AGO1: variants seen among roughly 807,000 people sequenced by gnomAD.
AGO1 encodes argonaute RISC component 1.
AGO1 carries 11 observed loss-of-function variants against 109.2 expected under a neutral mutation model. The ratio of observed to expected loss-of-function variants is 0.10; its 90% CI spans 0.06 to 0.17. The LOEUF is 0.17. Ranked by LOEUF, AGO1 falls within the 10% of genes least tolerant of loss-of-function variation. AGO1 has a pLI of 1.00. For missense variants in AGO1, 574 were observed against 1,140.3 expected (o/e 0.50, Z 7.15); for synonymous variants, 422 against 418.6 (o/e 1.01, Z -0.10).
intron 2 of AGO1, among the ~76,000 whole-genome samples, chr1:35,891,461 CT>C (rs199596553): frequency 0.051 from 7,697 of 152,230 alleles, 268 homozygotes; most frequent in South Asian, 0.083. Flanking sequence ...TCTCTTCTAC[CT>C]TTTTTGCTTA....
Position 35,925,755 on chromosome 1 carries a change from G to A in AGO1, c.*6148G>A, listed in dbSNP as rs1246608446. The A allele has an allele frequency of 6.6e-6, 1 of 152,070 alleles. No individual in the cohort carries two copies. Among genetic ancestry groups the A allele is most frequent in the Non-Finnish European group, 1.5e-5 (1 of 68,022 alleles). The allele number at this position is 152,070 out of a possible 1,614,324, so 9.4% of individuals were successfully genotyped here. ...ACTCACCCCAAGTTGGAGGTTCTAT[G>A]GTTTTGTACTTTAAGCTGGTGGTAT... is the stretch of plus-strand genomic sequence containing the variant. On this transcript the variant is annotated 3_prime_UTR_variant, in exon 19 of 19. Coordinates refer to ENST00000373204, the MANE Select transcript of AGO1 (RefSeq NM_012199.5).
rs547713014 is a variant in AGO1, at chr1:35,926,176, A to G, written c.*6569A>G. Reference sequence around the variant, plus strand: ...CAGGGGGAATAGGAGGAGGATGATTATGGCAAATTTTGCTATAAACTTTAG... The same window carrying G: ...CAGGGGGAATAGGAGGAGGATGATTGTGGCAAATTTTGCTATAAACTTTAG... On this transcript the variant is annotated 3_prime_UTR_variant, in exon 19 of 19. Transcript: ENST00000373204. 1 of 152,334 alleles carries G rather than the reference A, an allele frequency of 6.6e-6. No homozygotes were observed. Among genetic ancestry groups the G allele is most frequent in the African/African-American group, 2.4e-5 (1 of 41,572 alleles). 9.4% of individuals were successfully genotyped at this position (152,334 alleles called of 1,614,324 possible).
intron 8 of AGO1, among the ~76,000 whole-genome samples, chr1:35,897,728 CA>C (rs539302152): frequency 6.8e-6 from 1 of 147,822 alleles, no homozygotes; most frequent in African/African-American, 2.5e-5. Flanking sequence ...GACCCTGTCT[CA>C]AAAAAAAATA....
rs985679222 is a variant in AGO1 at position 35,870,581 on chromosome 1, C to T, written c.-201+678C>T. 9.8e-5 allele frequency among the ~76,000 whole-genome samples: 15 copies of T among 152,312 alleles called. No individual in the cohort carries two copies. In the South Asian group the frequency reaches 1.7e-3, roughly 17 times the overall value. On this transcript the variant is annotated intron_variant, in intron 1 of 18. Coordinates refer to the AGO1 transcript ENST00000373206. ...ACAGGCGTGAGCCACCGCGCCTGGC[C>T]ATATGTATGTTATAAAGGAGAGTAT...
chr1:35,918,870 A>T (rs909564765), intron 17 of AGO1, among the ~76,000 whole-genome samples, 185 bp from the exon 18 acceptor site: 11 of 152,180 alleles, frequency 7.2e-5, no homozygotes, highest in Non-Finnish European at 1.6e-4. Context: ...CTGCTGTCGT[A>T]ATAAGCCCTG....
At chr1:35,906,312 A>G (rs957097502) in intron 11 of AGO1, among the ~76,000 whole-genome samples, 7 of 152,178 alleles carry the variant, frequency 4.6e-5, no homozygotes, top group Admixed American at 3.3e-4. Flanking sequence ...GCATCTGCCT[A>G]TTTCTTTGGA....
In AGO1 at chr1:35,927,217, C is replaced by T. The variant is rs970880807; in HGVS notation, c.*7610C>T. 3 of 151,994 alleles carry T rather than the reference C, an allele frequency of 2.0e-5. No homozygotes were observed. The highest frequency in any genetic ancestry group is 6.6e-5 in the Admixed American group (1 of 15,266). 9.4% of individuals were successfully genotyped at this position (151,994 alleles called of 1,614,324 possible). ...TTGCATCTTACAGCATCTTTACATG[C>T]GAAATAGTTTATCAGTTATCTTCAA... On this transcript the variant is annotated 3_prime_UTR_variant, in exon 19 of 19. Coordinates refer to ENST00000373204, the MANE Select transcript of AGO1 (RefSeq NM_012199.5).
upstream of AGO1, among the ~76,000 whole-genome samples, chr1:35,881,947 G>C (rs1645041554): frequency 6.6e-6 from 1 of 152,230 alleles, no homozygotes. Flanking sequence ...AGCAAGATAT[G>C]ATAAGGGTCT....
At chr1:35,878,628 A>G (rs985381218), upstream of AGO1, among the ~76,000 whole-genome samples, 10 of 152,148 alleles carry the variant, frequency 6.6e-5, no homozygotes, top group Admixed American at 5.9e-4. Context: ...ACATTATTAC[A>G]TTATTTTCCG....
At chr1:35,904,239 G>T (rs1645477171) in intron 11 of AGO1, among the ~76,000 whole-genome samples, 2 of 151,194 alleles carry the variant, frequency 1.3e-5, no homozygotes, top group Admixed American at 1.3e-4. Flanking sequence ...CCAAGCAGCT[G>T]GGACCACAGG....
chr1:35,904,106 CTCT>C (rs1450245033), intron 11 of AGO1, among the ~76,000 whole-genome samples: 5 of 143,918 alleles, frequency 3.5e-5, no homozygotes, highest in Non-Finnish European at 7.5e-5. Context: ...CTTTCCTGAG[CTCT>C]TTTTTTTTTT....
rs374930276 is a variant in AGO1 at position 35,894,204 on chromosome 1, C to T, written c.784+33C>T. 61 of 1,568,740 alleles carry T rather than the reference C, an allele frequency of 3.9e-5. No individual in the cohort carries two copies. The African/African-American group carries it at 5.7e-4, about 15-fold the overall frequency. ...CCCAACAGGAGGGGAAGGGAAACAGCGCCACTTTAGCCCTAAGAGGAAATC... is the reference window on the plus strand; with the variant it reads ...CCCAACAGGAGGGGAAGGGAAACAGTGCCACTTTAGCCCTAAGAGGAAATC... On this transcript the variant is annotated intron_variant, in intron 6 of 18. Coordinates refer to ENST00000373204, the MANE Select transcript of AGO1 (RefSeq NM_012199.5).
At chr1:35,907,187 T>A in intron 12 of AGO1, 68 bp downstream of exon 12, 1 of 1,394,794 alleles carries the variant, frequency 7.2e-7, no homozygotes, top group Non-Finnish European at 9.6e-7. Flanking sequence ...TGGGGTCTCC[T>A]GGGAAGGACT....
At chr1:35,913,308 C>T (rs941569128) in intron 12 of AGO1, among the ~76,000 whole-genome samples, 2 of 152,164 alleles carry the variant, frequency 1.3e-5, no homozygotes, top group African/African-American at 2.4e-5. Context: ...CGTGAGCCAC[C>T]GCGCCTGGCG....
At chr1:35,884,041 G>A (rs1645077208) in intron 1 of AGO1, among the ~76,000 whole-genome samples, 1 of 152,220 alleles carries the variant, frequency 6.6e-6, no homozygotes, top group Non-Finnish European at 1.5e-5. Context: ...GGAAGGGGCT[G>A]CCCGACGTGG....
chr1:35,910,999 G>T (rs773914749), intron 12 of AGO1, among the ~76,000 whole-genome samples: 13 of 152,198 alleles, frequency 8.5e-5, no homozygotes, highest in Non-Finnish European at 1.5e-4. Flanking sequence ...CCAGGAGATG[G>T]AGGTTGCAGT....
chr1:35,892,564 G>A lies in AGO1; in HGVS notation c.217G>A (p.Val73Met). 1 of 1,614,242 alleles carries A rather than the reference G, an allele frequency of 6.2e-7. No individual in the cohort carries two copies. The highest frequency in any genetic ancestry group is 8.5e-7 in the Non-Finnish European group (1 of 1,180,034). ...CACTCCTATCCCCCACAGGGAAGTG[G>A]TGGAATACATGGTCCAGCATTTCAA... ...KCPRRVNREVVEYMVQHFKPQ... is the reference protein window; with the variant it reads ...KCPRRVNREVMEYMVQHFKPQ... Residue 73 changes from valine (V) to methionine (M), a missense_variant, in exon 3 of 19, where the codon GTG (valine) becomes ATG (methionine). Around this residue, in one of 8 missense-constraint regions of AGO1, gnomAD observed 89 missense variants for 109.6 expected, o/e 0.81. Coordinates refer to ENST00000373204, the MANE Select transcript of AGO1 (RefSeq NM_012199.5).
chr1:35,884,202 G>A (rs1282951961), intron 1 of AGO1, among the ~76,000 whole-genome samples: 1 of 151,870 alleles, frequency 6.6e-6, no homozygotes, highest in African/African-American at 2.4e-5. Flanking sequence ...CCCCATTTTA[G>A]GGGCTCTTAC....
Position 35,924,159 on chromosome 1 carries a change from C to CTGTA in AGO1, c.*4553_*4556dup, listed in dbSNP as rs1442309469. 2.6e-5 allele frequency: 4 copies of CTGTA among 152,904 alleles called. No homozygotes were observed. Among genetic ancestry groups the CTGTA allele is most frequent in the Non-Finnish European group, 5.9e-5 (4 of 68,206 alleles). 9.5% of individuals were successfully genotyped at this position (152,904 alleles called of 1,614,324 possible). ...ATTTGTGTTTGTGTCCTGCTTTGAG[C>CTGTA]TGTACCTTGTCCAGTCCATTGTGAA... On this transcript the variant is annotated 3_prime_UTR_variant, in exon 19 of 19. Transcript: ENST00000373204.
Sources: gnomAD v4.1 joint callset for allele counts (sites outside exome capture counted in the v4.1 genomes callset) on GRCh38, gnomAD v4.1.1 for gene constraint, gnomAD v4.1.1 regional missense constraint, MANE v1.5 for transcripts, NCBI Gene and HGNC (gene_info 2026-07-23, HGNC 2026-07-21) for gene names.